Variants in CAB39 observed in about 807,000 individuals in gnomAD.
The protein encoded by CAB39 is calcium binding protein 39.
A neutral mutation model predicts 40.0 loss-of-function variants in CAB39; 8 were observed. The ratio of observed to expected loss-of-function variants is 0.20; its 90% confidence interval spans 0.12 to 0.36. CAB39 has a LOEUF of 0.36. Among genes scored for constraint, CAB39 ranks in the 10% least tolerant of loss-of-function variants. CAB39 has a pLI of 1.00. For missense variants in CAB39, 270 were observed against 401.1 expected (o/e 0.67, Z 2.79); for synonymous variants, 156 against 141.6 (o/e 1.10, Z -0.72).
intron 1 of CAB39, among the ~76,000 whole-genome samples, chr2:230,739,745 C>T (rs1694844865): frequency 6.6e-6 from 1 of 152,306 alleles, no homozygotes; most frequent in African/African-American, 2.4e-5. Flanking sequence ...CCGCCCACCT[C>T]GGCCTCCCAA....
At chr2:230,751,431 A>C (rs1695083912) in intron 1 of CAB39, among the ~76,000 whole-genome samples, 1 of 152,188 alleles carries the variant, frequency 6.6e-6, no homozygotes, top group Non-Finnish European at 1.5e-5. Flanking sequence ...GAGTGAATGA[A>C]TGTTCTGCTG....
In CAB39 at chr2:230,817,807, C is replaced by T. The variant is rs147518520; in HGVS notation, c.747C>T (p.Tyr249=). 16 of 1,612,160 alleles carry T rather than the reference C, an allele frequency of 9.9e-6. No individual in the cohort carries two copies. In the African/African-American group the frequency reaches 1.9e-4, roughly 19 times the overall value. ...ACAACTTCACAATTATGACAAAATA[C>T]ATCAGTAAACCTGAGAACCTCAAAT... ...DRHNFTIMTK[Y]ISKPENLKLM... is the part of the protein sequence containing the mutation. Residue 249 remains tyrosine, a synonymous_variant, in exon 8 of 9, where the codon TAC becomes TAT. Coordinates refer to ENST00000258418, the MANE Select transcript of CAB39 (RefSeq NM_016289.4).
intron 2 of CAB39, among the ~76,000 whole-genome samples, chr2:230,774,118 T>C (rs772790796): frequency 2.0e-5 from 3 of 152,220 alleles, no homozygotes; most frequent in Non-Finnish European, 2.9e-5. Flanking sequence ...TTACTTTGAC[T>C]CATTATATTA....
chr2:230,742,508 A>G (rs1441190581), intron 1 of CAB39, among the ~76,000 whole-genome samples: 1 of 151,068 alleles, frequency 6.6e-6, no homozygotes, highest in African/African-American at 2.4e-5. Context: ...AACTTCTTAT[A>G]TTAAGTGACA....
At chr2:230,746,379 CTCAT>C (rs1437490728) in intron 1 of CAB39, among the ~76,000 whole-genome samples, 14 of 152,168 alleles carry the variant, frequency 9.2e-5, no homozygotes, top group African/African-American at 3.4e-4. Context: ...TAATCAATGA[CTCAT>C]TCCAGTTTAA....
Position 230,817,760 on chromosome 2 carries a change from G to T in CAB39, c.700G>T (p.Gly234Cys). ...VTKRQSLKLLGELLLDRHNFT... is the reference protein window; with the variant it reads ...VTKRQSLKLLCELLLDRHNFT... ...TGTTTAAATGTCTTCTCAGCTTCTC[G>T]GTGAACTACTACTAGATAGACACAA... is the stretch of plus-strand genomic sequence containing the variant. Residue 234 changes from glycine (G) to cysteine (C), a missense_variant, in exon 8 of 9, where the codon GGT (glycine) becomes TGT (cysteine). By Grantham distance (159) the Gly-to-Cys change is radical (BLOSUM62 -3). Coordinates refer to ENST00000258418, the MANE Select transcript of CAB39 (RefSeq NM_016289.4). 2 of 1,576,242 alleles carry T rather than the reference G, an allele frequency of 1.3e-6. No homozygotes were observed. The highest frequency in any genetic ancestry group is 2.3e-5 in the East Asian group (1 of 44,146).
At chr2:230,732,080 CTTTT>C (rs796715993) in intron 1 of CAB39, among the ~76,000 whole-genome samples, 1 of 142,262 alleles carries the variant, frequency 7.0e-6, no homozygotes, top group African/African-American at 2.6e-5. Flanking sequence ...TTATCTCTCT[CTTTT>C]TTTTTTTTGG....
At chr2:230,763,464 C>T (rs892877781) in intron 2 of CAB39, among the ~76,000 whole-genome samples, 1 of 152,002 alleles carries the variant, frequency 6.6e-6, no homozygotes, top group Non-Finnish European at 1.5e-5. Context: ...CGGTGGCACA[C>T]GCCTGTAATC....
intron 2 of CAB39, among the ~76,000 whole-genome samples, chr2:230,763,791 A>G (rs1420718794): frequency 6.6e-6 from 1 of 152,184 alleles, no homozygotes; most frequent in Non-Finnish European, 1.5e-5. Context: ...AACTTTTACC[A>G]GTACATGATT....
chr2:230,713,267 A>C (rs148062240), intron 1 of CAB39, 37 bp downstream of exon 1: 3,071 of 152,180 alleles, frequency 0.02, 55 homozygotes, highest in Non-Finnish European at 0.03. Context: ...CGTGGTGCGG[A>C]CGCCTGCCCG....
At chr2:230,727,693 G>A (rs748312660) in intron 1 of CAB39, among the ~76,000 whole-genome samples, 3 of 151,892 alleles carry the variant, frequency 2.0e-5, no homozygotes, top group South Asian at 2.1e-4. Flanking sequence ...GCGATTACAG[G>A]TGTAAGCCTC....
At chr2:230,799,555 G>T (rs1374597560) in intron 5 of CAB39, among the ~76,000 whole-genome samples, 1 of 152,216 alleles carries the variant, frequency 6.6e-6, no homozygotes, top group African/African-American at 2.4e-5. Flanking sequence ...GCAGATTCTT[G>T]TTTTGAGTTA....
intron 1 of CAB39, among the ~76,000 whole-genome samples, chr2:230,756,942 C>A (rs986034765): frequency 6.6e-6 from 1 of 152,182 alleles, no homozygotes; most frequent in East Asian, 1.9e-4. Context: ...CTGCTGGCCT[C>A]GTCCTCCCAA....
At chr2:230,773,527 C>T (rs1235243077) in intron 2 of CAB39, among the ~76,000 whole-genome samples, 1 of 151,928 alleles carries the variant, frequency 6.6e-6, no homozygotes, top group African/African-American at 2.4e-5. Flanking sequence ...TGAAATTCAG[C>T]GATTATCTTC....
At chr2:230,732,208 A>G (rs554967146) in intron 1 of CAB39, among the ~76,000 whole-genome samples, 1 of 152,208 alleles carries the variant, frequency 6.6e-6, no homozygotes, top group South Asian at 2.1e-4. Flanking sequence ...CAGCCTCCCA[A>G]GTAGCTGGGA....
At chr2:230,753,705 C>T (rs1695129922) in intron 1 of CAB39, among the ~76,000 whole-genome samples, 2 of 146,848 alleles carry the variant, frequency 1.4e-5, no homozygotes, top group Non-Finnish European at 3.0e-5. Context: ...GATCGCACCA[C>T]TGCACTCCAT....
At chr2:230,771,580 T>C (rs944100959) in intron 2 of CAB39, among the ~76,000 whole-genome samples, 1 of 152,206 alleles carries the variant, frequency 6.6e-6, no homozygotes, top group African/African-American at 2.4e-5. Context: ...TTCTGTGCAA[T>C]TCCAGCAGGA....
At chr2:230,731,467 T>C (rs1275734771) in intron 1 of CAB39, among the ~76,000 whole-genome samples, 1 of 152,206 alleles carries the variant, frequency 6.6e-6, no homozygotes, top group Non-Finnish European at 1.5e-5. Flanking sequence ...TGGTGATTGC[T>C]TAACTCTGAA....
intron 2 of CAB39, among the ~76,000 whole-genome samples, chr2:230,767,775 T>C (rs1245497297): frequency 2.0e-5 from 3 of 152,228 alleles, no homozygotes; most frequent in Non-Finnish European, 2.9e-5. Flanking sequence ...CTTCACCACA[T>C]TGGTCTCCTT....
Sources: gnomAD v4.1 joint callset for allele counts (sites outside exome capture counted in the v4.1 genomes callset) on GRCh38, gnomAD v4.1.1 for gene constraint, MANE v1.5 for transcripts, NCBI Gene and HGNC (gene_info 2026-07-23, HGNC 2026-07-21) for gene names.